The following NINL variants were observed in gnomAD, a reference collection of about 807,000 sequenced individuals.
The protein encoded by NINL is ninein like, also known as ninein-like protein.
A neutral mutation model predicts 160.3 loss-of-function variants in NINL; 153 were observed. The ratio of observed to expected loss-of-function variants is 0.95; its 90% CI spans 0.84 to 1.09. The LOEUF is 1.09. NINL is among the 50% of genes least tolerant of loss of function. NINL has a pLI of 0.00. For missense variants in NINL, 1,829 were observed against 1,764.0 expected, an observed-to-expected ratio of 1.04 and a Z score of -0.66; for synonymous variants, 800 against 734.8, an observed-to-expected ratio of 1.09 and a Z score of -1.43.
chr20:25,472,339 A>ATATATG (rs1211904977), intron 17 of NINL, among the ~76,000 whole-genome samples: 5 of 72,394 alleles, frequency 6.9e-5, no homozygotes, highest in African/African-American at 3.0e-4. Flanking sequence ...ATATATATAT[A>ATATATG]TATATATATA....
At chr20:25,506,066 A>G (rs2063956015) in intron 5 of NINL, among the ~76,000 whole-genome samples, 1 of 152,206 alleles carries the variant, frequency 6.6e-6, no homozygotes, top group African/African-American at 2.4e-5. Flanking sequence ...GTTCAAGACC[A>G]GCCTGGCCAA....
chr20:25,498,458 C>A, intron 8 of NINL, 112 bp from the exon 9 acceptor site: 1 of 1,374,086 alleles, frequency 7.3e-7, no homozygotes, highest in Non-Finnish European at 9.9e-7. Context: ...TCCCAGGCAG[C>A]ACCTGCCCCT....
intron 17 of NINL, among the ~76,000 whole-genome samples, chr20:25,474,890 C>T (rs1250600890): frequency 2.0e-5 from 3 of 151,542 alleles, no homozygotes; most frequent in African/African-American, 7.3e-5. Context: ...TGGGTTCAAG[C>T]GATTCTCCTG....
chr20:25,556,241 G>A (rs1203962630), intron 1 of NINL, among the ~76,000 whole-genome samples: 1 of 152,068 alleles, frequency 6.6e-6, no homozygotes, highest in African/African-American at 2.4e-5. Flanking sequence ...CCATGATTAT[G>A]CCACTGCACT....
intron 13 of NINL, among the ~76,000 whole-genome samples, chr20:25,487,784 C>T (rs967072342): frequency 8.5e-5 from 13 of 152,368 alleles, no homozygotes; most frequent in Admixed American, 5.9e-4. Flanking sequence ...GAATTTTCTT[C>T]CGCACAGAAT....
At chr20:25,557,373 A>T (rs1318350262) in intron 1 of NINL, among the ~76,000 whole-genome samples, 2 of 152,082 alleles carry the variant, frequency 1.3e-5, no homozygotes, top group African/African-American at 4.8e-5. Context: ...TCTACTAAAA[A>T]TGCCCAAATT....
Position 25,550,114 on chromosome 20 carries a change from C to G in NINL, c.-11-23516G>C, listed in dbSNP as rs144977315. Among the ~76,000 whole-genome samples, 222 of 152,324 alleles carry G rather than the reference C, an allele frequency of 1.5e-3. 2 individuals are homozygous for G. The highest frequency in any genetic ancestry group is 4.7e-3 in the African/African-American group (196 of 41,576). On this transcript the variant is annotated intron_variant, in intron 1 of 23. Coordinates refer to ENST00000278886, the MANE Select transcript of NINL (RefSeq NM_025176.6). Reference sequence around the variant, plus strand: ...AGAAAAAAGGGGGTGGATACAGTGGCTCATGCCTGTAATCCCAGGACTTTG... The same window carrying G: ...AGAAAAAAGGGGGTGGATACAGTGGGTCATGCCTGTAATCCCAGGACTTTG...
chr20:25,531,811 A>G (rs2064469392), intron 1 of NINL, among the ~76,000 whole-genome samples: 1 of 152,166 alleles, frequency 6.6e-6, no homozygotes, highest in Non-Finnish European at 1.5e-5. Context: ...CCAATGTCAG[A>G]GGGTAAAAAA....
chr20:25,457,917 T>C (rs1467176789), intron 22 of NINL, among the ~76,000 whole-genome samples: 1 of 152,220 alleles, frequency 6.6e-6, no homozygotes, highest in African/African-American at 2.4e-5. Context: ...AGAGGTTCAC[T>C]TGCCCAAGTT....
chr20:25,509,398 T>C (rs2064025567), intron 5 of NINL, among the ~76,000 whole-genome samples: 1 of 152,176 alleles, frequency 6.6e-6, no homozygotes, highest in South Asian at 2.1e-4. Flanking sequence ...CCTTCTCCAA[T>C]CCTTCCTTGA....
intron 10 of NINL, among the ~76,000 whole-genome samples, chr20:25,494,100 G>GGTC (rs1203219409): frequency 2.0e-5 from 3 of 149,246 alleles, no homozygotes; most frequent in African/African-American, 5.0e-5. Flanking sequence ...GCACCCCATG[G>GGTC]GTCCCATGCA....
intron 1 of NINL, among the ~76,000 whole-genome samples, chr20:25,554,261 T>C (rs2064838490): frequency 6.6e-6 from 1 of 152,010 alleles, no homozygotes; most frequent in Non-Finnish European, 1.5e-5. Context: ...AGGGGACCCA[T>C]GGGAACCAAG....
intron 1 of NINL, among the ~76,000 whole-genome samples, chr20:25,573,113 A>G (rs2065072905): frequency 6.6e-6 from 1 of 152,158 alleles, no homozygotes; most frequent in South Asian, 2.1e-4. Context: ...CCTGGCCAAC[A>G]TGGTGAAACC....
rs374604708 is a variant in NINL at position 25,493,323 on chromosome 20, C to T, written c.1311-1798G>A. ...GAACGAAGTCGCTGGAGGTCAGAAC[C>T]CAGCCCCTCAGGTCCTGAGAGGCAG... On this transcript the variant is annotated intron_variant, in intron 10 of 23. Transcript: ENST00000278886. Among the ~76,000 whole-genome samples the T allele has an allele frequency of 1.3e-3, 197 of 152,204 alleles. 1 individual carries two copies. The highest frequency in any genetic ancestry group is 4.6e-3 in the African/African-American group (190 of 41,532).
chr20:25,550,550 G>A (rs2064795495), intron 1 of NINL, among the ~76,000 whole-genome samples: 1 of 152,088 alleles, frequency 6.6e-6, no homozygotes, highest in African/African-American at 2.4e-5. Context: ...TCTCGGTGAG[G>A]GGGATGTGGC....
intron 17 of NINL, among the ~76,000 whole-genome samples, chr20:25,472,428 G>A (rs898988337): frequency 1.2e-4 from 18 of 147,306 alleles, no homozygotes; most frequent in African/African-American, 2.7e-4. Context: ...GTGCAATGGC[G>A]CGATCTTGGC....
intron 1 of NINL, among the ~76,000 whole-genome samples, chr20:25,534,502 A>G (rs533830678): frequency 6.6e-6 from 1 of 152,364 alleles, no homozygotes; most frequent in South Asian, 2.1e-4. Context: ...TACTTACACA[A>G]ACCAAGATAG....
intron 4 of NINL, among the ~76,000 whole-genome samples, chr20:25,512,095 C>A (rs963486674): frequency 6.6e-6 from 1 of 152,218 alleles, no homozygotes; most frequent in Non-Finnish European, 1.5e-5. Context: ...GCCCATCCCC[C>A]TCTCCTTGGG....
chr20:25,560,142 C>G (rs1047203224), intron 1 of NINL, among the ~76,000 whole-genome samples: 4 of 152,162 alleles, frequency 2.6e-5, no homozygotes, highest in Non-Finnish European at 5.9e-5. Flanking sequence ...CAGGGTCTTG[C>G]CTTGTTGCCC....
Sources: allele counts gnomAD v4.1 joint callset (sites outside exome capture counted in the v4.1 genomes callset), GRCh38; gene constraint gnomAD v4.1.1; transcripts MANE v1.5; gene names NCBI Gene and HGNC (gene_info 2026-07-23, HGNC 2026-07-21).